NCEH1: variants seen among roughly 807,000 people sequenced by gnomAD.
NCEH1 encodes the protein 2-acetyl MAGE hydrolase.
Under a neutral mutation model 25.4 loss-of-function variants are expected in NCEH1, and 9 were observed. The ratio of observed to expected loss-of-function variants is 0.35; its 90% CI spans 0.21 to 0.62. NCEH1 has a LOEUF of 0.62. Ranked by LOEUF, NCEH1 falls within the 20% of genes least tolerant of loss-of-function variation. The pLI is 0.72. For missense variants in NCEH1, 412 were observed against 501.1 expected (o/e 0.82, Z 1.70); for synonymous variants, 200 against 199.8 (o/e 1.00, Z -0.01).
chr3:172,668,684 G>A (rs1351166881), intron 1 of NCEH1, among the ~76,000 whole-genome samples: 1 of 151,248 alleles, frequency 6.6e-6, no homozygotes, highest in Non-Finnish European at 1.5e-5. Flanking sequence ...GCTTTCATTC[G>A]ACTTCTCATT....
chr3:172,642,603 C>CAAAAAAAAAAAAAAAAAAA (rs66551744), intron 3 of NCEH1, among the ~76,000 whole-genome samples: 1 of 83,904 alleles, frequency 1.2e-5, no homozygotes, highest in Non-Finnish European at 2.3e-5. Context: ...GCTATTTCTA[C>CAAAAAAAAAAAAAAAAAAA]AAAAAAAAAA....
intron 1 of NCEH1, among the ~76,000 whole-genome samples, chr3:172,702,145 C>T (rs575568404): frequency 2.6e-5 from 4 of 152,298 alleles, no homozygotes; most frequent in East Asian, 1.9e-4. Flanking sequence ...GGCTCCACCT[C>T]GTATAAACGG....
Position 172,631,229 on chromosome 3 carries a change from A to G in NCEH1, c.*2246T>C, listed in dbSNP as rs889133262. On this transcript the variant is annotated 3_prime_UTR_variant, in exon 5 of 5. Transcript: ENST00000475381. ...GCTCACAATTCTGGGGAAAATGCCA[A>G]TTGAAGGAACCCTGCCTATACATTT... 5 of 152,312 alleles carry G rather than the reference A, an allele frequency of 3.3e-5. No homozygotes were observed. The highest frequency in any genetic ancestry group is 2.6e-4 in the Admixed American group (4 of 15,306). 9.4% of individuals were successfully genotyped at this position (152,312 alleles called of 1,614,324 possible).
Position 172,631,300 on chromosome 3 carries a change from A to G in NCEH1, c.*2175T>C, listed in dbSNP as rs1033975390. 2 of 152,230 alleles carry G rather than the reference A, an allele frequency of 1.3e-5. No homozygotes were observed. The highest frequency in any genetic ancestry group is 4.8e-5 in the African/African-American group (2 of 41,446). 9.4% of individuals were successfully genotyped at this position (152,230 alleles called of 1,614,324 possible). A position where few individuals can be genotyped will look rare whatever the true frequency, so the allele number is the denominator to read the frequency against. On this transcript the variant is annotated 3_prime_UTR_variant, in exon 5 of 5. Coordinates refer to ENST00000475381, the MANE Select transcript of NCEH1 (RefSeq NM_020792.6). ...CAGACAACCTCAAAATAAGGTCCAA[A>G]TATTGGTTCCTTCAAATGGTGTCAA...
intron 4 of NCEH1, among the ~76,000 whole-genome samples, chr3:172,634,690 T>G (rs1321964975): frequency 6.6e-6 from 1 of 152,102 alleles, no homozygotes; most frequent in Admixed American, 6.5e-5. Context: ...ATCCCCTACC[T>G]CAACAGATCT....
At chr3:172,661,663 A>G (rs1323710566) in intron 1 of NCEH1, among the ~76,000 whole-genome samples, 2 of 152,100 alleles carry the variant, frequency 1.3e-5, no homozygotes, top group Non-Finnish European at 2.9e-5. Context: ...AGTGGTTTGT[A>G]GTTCTCCTTG....
Position 172,633,986 on chromosome 3 carries a change from T to C in NCEH1, c.716A>G (p.Asn239Ser), listed in dbSNP as rs1180812199. The part of the protein sequence containing the change: ...FNTPSYQQNV[N>S]TPILPRYVMV... ...GACATAGCGGGGCAGGATTGGGGTG[T>C]TCACATTTTGCTGATAAGATGGTGT... The change falls in exon 5 of 5, where the codon AAC becomes AGC. Residue 239 changes from asparagine to serine, a missense_variant. Physicochemically the swap from Asn to Ser is conservative, Grantham distance 46 (BLOSUM62 1). Transcript: ENST00000475381. 1.2e-6 allele frequency: 2 copies of C among 1,614,114 alleles called. No individual in the cohort carries two copies. The highest frequency in any genetic ancestry group is 1.7e-5 in the Admixed American group (1 of 60,000).
chr3:172,657,567 T>G (rs1015554656), intron 1 of NCEH1, among the ~76,000 whole-genome samples: 4 of 152,216 alleles, frequency 2.6e-5, no homozygotes, highest in African/African-American at 9.6e-5. Flanking sequence ...CTCATTATTT[T>G]CTGCACTTGC....
intron 1 of NCEH1, among the ~76,000 whole-genome samples, chr3:172,668,199 A>G (rs1444024930): frequency 6.6e-6 from 1 of 152,200 alleles, no homozygotes; most frequent in Non-Finnish European, 1.5e-5. Flanking sequence ...TGAGCAATAT[A>G]TCTCCTATAA....
intron 3 of NCEH1, among the ~76,000 whole-genome samples, chr3:172,638,965 G>A (rs974937452): frequency 6.6e-6 from 1 of 152,108 alleles, no homozygotes; most frequent in Non-Finnish European, 1.5e-5. Context: ...TTTTCATGCT[G>A]GAAACATTCT....
intron 1 of NCEH1, among the ~76,000 whole-genome samples, chr3:172,659,311 G>T (rs1321935675): frequency 6.6e-6 from 1 of 152,074 alleles, no homozygotes; most frequent in African/African-American, 2.4e-5. Flanking sequence ...AGATTAACAA[G>T]CAAGTATAAA....
chr3:172,707,643 T>C (rs1350223282), intron 1 of NCEH1, among the ~76,000 whole-genome samples: 1 of 152,182 alleles, frequency 6.6e-6, no homozygotes, highest in Non-Finnish European at 1.5e-5. Context: ...TGGAGTGCAG[T>C]GGCCTGATCT....
chr3:172,674,864 T>G (rs1375898186), intron 1 of NCEH1, among the ~76,000 whole-genome samples: 2 of 152,196 alleles, frequency 1.3e-5, no homozygotes, highest in Admixed American at 1.3e-4. Context: ...TCAAAGTTGT[T>G]TTACTTATAG....
At chr3:172,635,776 GT>G in intron 4 of NCEH1, 139 bp downstream of exon 4, 1 of 681,966 alleles carries the variant, frequency 1.5e-6, no homozygotes, top group African/African-American at 1.8e-5. Flanking sequence ...CTCTACAAGT[GT>G]AATCACATGA....
At chr3:172,673,332 G>C (rs955371749) in intron 1 of NCEH1, among the ~76,000 whole-genome samples, 1 of 152,132 alleles carries the variant, frequency 6.6e-6, no homozygotes, top group Non-Finnish European at 1.5e-5. Context: ...CTGTCCTCTA[G>C]GGGGAGCTCT....
intron 1 of NCEH1, among the ~76,000 whole-genome samples, chr3:172,669,529 T>C (rs1711508212): frequency 1.3e-5 from 2 of 152,188 alleles, no homozygotes; most frequent in Non-Finnish European, 2.9e-5. Flanking sequence ...TTTTGAAAGA[T>C]GAATAATAGC....
At chr3:172,654,115 C>T (rs1717583996) in intron 1 of NCEH1, among the ~76,000 whole-genome samples, 1 of 152,032 alleles carries the variant, frequency 6.6e-6, no homozygotes, top group Admixed American at 6.6e-5. Flanking sequence ...AAAATGGAGG[C>T]AAGAGGAGCA....
intron 1 of NCEH1, among the ~76,000 whole-genome samples, chr3:172,664,630 C>T (rs1022908843): frequency 6.6e-6 from 1 of 152,206 alleles, no homozygotes; most frequent in East Asian, 1.9e-4. Context: ...TTCACATAGT[C>T]CCATATTTCT....
At chr3:172,672,068 T>C (rs1413300146) in intron 1 of NCEH1, among the ~76,000 whole-genome samples, 1 of 152,218 alleles carries the variant, frequency 6.6e-6, no homozygotes, top group Non-Finnish European at 1.5e-5. Flanking sequence ...AGCTCCACGG[T>C]AAGTGCCTTA....
Sources: gnomAD v4.1 joint callset for allele counts (sites outside exome capture counted in the v4.1 genomes callset) on GRCh38, gnomAD v4.1.1 for gene constraint, MANE v1.5 for transcripts, NCBI Gene and HGNC (gene_info 2026-07-23, HGNC 2026-07-21) for gene names.